Variants in BABAM2 observed in about 807,000 individuals in gnomAD.
BABAM2 encodes the protein BRISC and BRCA1-A complex member 2.
Under a neutral mutation model 54.7 loss-of-function variants are expected in BABAM2, and 31 were observed. The ratio of observed to expected loss-of-function variants is 0.57; its 90% CI spans 0.43 to 0.77. The LOEUF (loss-of-function observed/expected upper bound fraction) is 0.77, where lower values mean the gene tolerates loss of function less well. Ranked by LOEUF, BABAM2 falls within the 30% of genes least tolerant of loss-of-function variation. BABAM2 has a pLI of 0.00. For missense variants in BABAM2, 364 were observed against 455.8 expected (o/e 0.80, Z 1.83); for synonymous variants, 167 against 162.9 (o/e 1.03, Z -0.19).
In BABAM2 at chr2:28,335,476, G is replaced by A. The variant is rs553251373; in HGVS notation, c.1089-2974G>A. On this transcript the variant is annotated intron_variant, in intron 11 of 11. Transcript: ENST00000379624. ...TGAGCCACTGCGCCCAGCCTCTCCC[G>A]CCTTCTTAAACAGCTTGTAATGGAC... 6.6e-4 allele frequency among the ~76,000 whole-genome samples: 101 copies of A among 152,180 alleles called. 1 individual carries two copies. Among genetic ancestry groups the A allele is most frequent in the Non-Finnish European group, 1.2e-3 (79 of 67,984 alleles).
intron 10 of BABAM2, among the ~76,000 whole-genome samples, chr2:28,262,112 G>T (rs1327556871): frequency 1.3e-5 from 2 of 152,192 alleles, no homozygotes; most frequent in Non-Finnish European, 1.5e-5. Flanking sequence ...TGAGAGCCTG[G>T]TGTAAACAAA....
chr2:28,336,350 A>G (rs913868551), intron 11 of BABAM2, among the ~76,000 whole-genome samples: 4 of 152,210 alleles, frequency 2.6e-5, no homozygotes, highest in Non-Finnish European at 4.4e-5. Flanking sequence ...GAGCATTTTC[A>G]GATACATAAA....
At chr2:27,987,909 T>C (rs541192918) in intron 3 of BABAM2, 84 bp from the exon 4 acceptor site, 3 of 1,212,120 alleles carry the variant, frequency 2.5e-6, no homozygotes, top group African/African-American at 3.0e-5. Flanking sequence ...GTAAATTTCT[T>C]TTAGAAGTTT....
chr2:28,226,170 G>A (rs112638723), intron 7 of BABAM2, among the ~76,000 whole-genome samples: 5 of 152,164 alleles, frequency 3.3e-5, no homozygotes, highest in African/African-American at 1.2e-4. Flanking sequence ...TATTATCTGC[G>A]GCTGCCTTTG....
chr2:28,009,113 T>G (rs1674196038), intron 4 of BABAM2, among the ~76,000 whole-genome samples: 1 of 152,106 alleles, frequency 6.6e-6, no homozygotes, highest in African/African-American at 2.4e-5. Context: ...AGAAAATTCA[T>G]CGGAAAAGTA....
intron 7 of BABAM2, among the ~76,000 whole-genome samples, chr2:28,232,497 A>G (rs1681502555): frequency 6.6e-6 from 1 of 152,178 alleles, no homozygotes; most frequent in Non-Finnish European, 1.5e-5. Flanking sequence ...ATTAAGCAGT[A>G]TTGTCGTTGT....
intron 11 of BABAM2, among the ~76,000 whole-genome samples, chr2:28,334,779 A>G (rs956370973): frequency 6.6e-6 from 1 of 152,188 alleles, no homozygotes; most frequent in East Asian, 1.9e-4. Flanking sequence ...ACACTGTCCC[A>G]TGCGAGTGTG....
chr2:27,940,789 A>G (rs1668817269), intron 3 of BABAM2, among the ~76,000 whole-genome samples: 1 of 152,232 alleles, frequency 6.6e-6, no homozygotes, highest in Non-Finnish European at 1.5e-5. Flanking sequence ...AAGGGCAGAA[A>G]GGACAGCCAG....
At chr2:28,175,718 C>T (rs1674853385) in intron 7 of BABAM2, among the ~76,000 whole-genome samples, 1 of 152,194 alleles carries the variant, frequency 6.6e-6, no homozygotes, top group Non-Finnish European at 1.5e-5. Context: ...AGATTTTGTC[C>T]ACACTCCAGC....
At chr2:28,302,677 T>A (rs1324142205) in intron 11 of BABAM2, among the ~76,000 whole-genome samples, 2 of 152,188 alleles carry the variant, frequency 1.3e-5, no homozygotes, top group Admixed American at 6.5e-5. Flanking sequence ...TTTAAAGTGG[T>A]ATCGGTTTAC....
intron 4 of BABAM2, among the ~76,000 whole-genome samples, chr2:27,996,206 G>T (rs929298886): frequency 6.6e-6 from 1 of 152,194 alleles, no homozygotes; most frequent in Non-Finnish European, 1.5e-5. Flanking sequence ...TCCAGATAAC[G>T]CAGTCTTCTT....
At position 28,244,215 on chromosome 2, in the gene BABAM2, A is replaced by G. The variant is rs556685450; in HGVS notation, c.852-565A>G. Among the ~76,000 whole-genome samples, 3 of 152,268 alleles carry G rather than the reference A, an allele frequency of 2.0e-5. No homozygotes were observed. The East Asian group carries it at 5.8e-4, about 29-fold the overall frequency. On this transcript the variant is annotated intron_variant, in intron 9 of 11. Coordinates refer to ENST00000379624, the MANE Select transcript of BABAM2 (RefSeq NM_199191.3). Reference sequence around the variant, plus strand: ...AGGGGAACACAGTGAAAGGGGACACAGTTGTCTGGTGTGATTGCCCTAACC... The same window carrying G: ...AGGGGAACACAGTGAAAGGGGACACGGTTGTCTGGTGTGATTGCCCTAACC...
intron 10 of BABAM2, among the ~76,000 whole-genome samples, chr2:28,296,099 C>G (rs753769637): frequency 6.6e-6 from 1 of 151,914 alleles, no homozygotes; most frequent in African/African-American, 2.4e-5. Context: ...GGCGACAGAG[C>G]GAGACCCTGT....
At chr2:27,969,339 C>T (rs1410985503) in intron 3 of BABAM2, among the ~76,000 whole-genome samples, 1 of 151,972 alleles carries the variant, frequency 6.6e-6, no homozygotes, top group African/African-American at 2.4e-5. Flanking sequence ...TCTGGAAGCA[C>T]AGTGAGGGGG....
intron 5 of BABAM2, among the ~76,000 whole-genome samples, chr2:28,026,548 C>T (rs1675680232): frequency 6.6e-6 from 1 of 150,554 alleles, no homozygotes; most frequent in African/African-American, 2.5e-5. Flanking sequence ...CACATGGACA[C>T]AGGAAGGGGA....
chr2:28,292,775 A>G (rs766584153), intron 10 of BABAM2, among the ~76,000 whole-genome samples: 1 of 152,226 alleles, frequency 6.6e-6, no homozygotes, highest in Non-Finnish European at 1.5e-5. Flanking sequence ...TTCAGGGGCT[A>G]TTGGCAGGAC....
intron 4 of BABAM2, chr2:27,996,245 A>T (rs1673136021): frequency 1.3e-5 from 2 of 154,620 alleles, no homozygotes; most frequent in Non-Finnish European, 2.9e-5. Context: ...GTCCCCTCTG[A>T]TAGGGACATA....
chr2:28,234,220 G>A (rs75712738), intron 7 of BABAM2, among the ~76,000 whole-genome samples: 1,664 of 152,092 alleles, frequency 0.011, 23 homozygotes, highest in African/African-American at 0.038. Context: ...AAATTACAGC[G>A]ATACTTCCCA....
At chr2:28,028,217 G>A (rs1291570934) in intron 5 of BABAM2, among the ~76,000 whole-genome samples, 2 of 152,124 alleles carry the variant, frequency 1.3e-5, no homozygotes, top group Non-Finnish European at 2.9e-5. Context: ...TCAACTCCTT[G>A]CCTCTCTACA....
Sources: allele counts gnomAD v4.1 joint callset (sites outside exome capture counted in the v4.1 genomes callset), GRCh38; gene constraint gnomAD v4.1.1; transcripts MANE v1.5; gene names NCBI Gene and HGNC (gene_info 2026-07-23, HGNC 2026-07-21).